STEAP4: variants seen among roughly 807,000 people sequenced by gnomAD.
STEAP4 encodes metalloreductase STEAP4.
Under a neutral mutation model 43.6 loss-of-function variants are expected in STEAP4, and 36 were observed. The ratio of observed to expected loss-of-function variants is 0.83; its 90% CI spans 0.63 to 1.09. The LOEUF (loss-of-function observed/expected upper bound fraction) is 1.09, where lower values mean the gene tolerates loss of function less well. Among genes scored for constraint, STEAP4 ranks in the 50% least tolerant of loss-of-function variants. The pLI is 0.00. For missense variants in STEAP4, 495 were observed against 546.5 expected (o/e 0.91, Z 0.94); for synonymous variants, 191 against 196.7 (o/e 0.97, Z 0.24).
chr7:88,291,516 A>G (rs1026509856), intron 1 of STEAP4, among the ~76,000 whole-genome samples: 2 of 109,638 alleles, frequency 1.8e-5, no homozygotes, highest in Admixed American at 1.8e-4. Context: ...AAGAAAAGAA[A>G]TAGATATATG....
intron 1 of STEAP4, among the ~76,000 whole-genome samples, chr7:88,296,214 T>C (rs1272775272): frequency 6.6e-6 from 1 of 152,200 alleles, no homozygotes; most frequent in Non-Finnish European, 1.5e-5. Context: ...GTGTTACTAA[T>C]CAGTTGGGTG....
intron 1 of STEAP4, among the ~76,000 whole-genome samples, chr7:88,297,170 G>T (rs970882150): frequency 6.6e-6 from 1 of 152,068 alleles, no homozygotes; most frequent in Admixed American, 6.6e-5. Context: ...CTATTCTATA[G>T]GTTGAGGGTA....
intron 1 of STEAP4, among the ~76,000 whole-genome samples, chr7:88,289,883 T>C (rs1266777384): frequency 6.6e-6 from 1 of 152,224 alleles, no homozygotes; most frequent in Non-Finnish European, 1.5e-5. Flanking sequence ...CTTCTATTGG[T>C]TGATTGCCAA....
Position 88,296,932 on chromosome 7 carries a change from C to T in STEAP4, c.-3+9860G>A, listed in dbSNP as rs370139888. Among the ~76,000 whole-genome samples the T allele has an allele frequency of 2.6e-4, 39 of 152,130 alleles. No homozygotes were observed. In the South Asian group the frequency reaches 8.1e-3, roughly 32 times the overall value. On this transcript the variant is annotated intron_variant, in intron 1 of 4. Transcript: ENST00000380079. ...AAAAAAGAATGCCCATAATAAATGG[C>T]TTTTTCTAACATTTTTTGGACAGTT...
intron 1 of STEAP4, chr7:88,292,450 T>A (rs1852850790): frequency 6.6e-6 from 1 of 152,116 alleles, no homozygotes; most frequent in South Asian, 2.1e-4. Context: ...ATTAAAAAAA[T>A]AAATCAATCA....
chr7:88,283,678 T>C, intron 2 of STEAP4, 136 bp downstream of exon 2: 2 of 958,976 alleles, frequency 2.1e-6, no homozygotes, highest in Non-Finnish European at 3.0e-6. Context: ...TCAAGAAAAT[T>C]ATTCACAGCA....
At chr7:88,283,258 T>C in intron 2 of STEAP4, 90 bp from the exon 3 acceptor site, 1 of 1,325,932 alleles carries the variant, frequency 7.5e-7, no homozygotes, top group Non-Finnish European at 1.0e-6. Context: ...CCATGCCAAA[T>C]GATGACGTAA....
chr7:88,299,354 G>A (rs1272793092), intron 1 of STEAP4, among the ~76,000 whole-genome samples: 1 of 152,168 alleles, frequency 6.6e-6, no homozygotes, highest in Non-Finnish European at 1.5e-5. Flanking sequence ...TCTGATTAAA[G>A]CCCAGGACTC....
intron 1 of STEAP4, among the ~76,000 whole-genome samples, 170 bp downstream of exon 1, chr7:88,306,622 C>A (rs1251770633): frequency 6.6e-6 from 1 of 152,242 alleles, no homozygotes; most frequent in Non-Finnish European, 1.5e-5. Context: ...TGCTGAATCG[C>A]GGAGCAGCCT....
intron 1 of STEAP4, 115 bp downstream of exon 1, chr7:88,306,677 T>C (rs550695392): frequency 6.5e-6 from 1 of 152,692 alleles, no homozygotes; most frequent in Admixed American, 6.5e-5. Flanking sequence ...GGCGGGGAGT[T>C]TGCAAGCACC....
rs1233562823 is a variant in STEAP4, at chr7:88,275,737, C to G, written c.*3661G>C. 1 of 151,908 alleles carries G rather than the reference C, an allele frequency of 6.6e-6. No individual in the cohort carries two copies. The highest frequency in any genetic ancestry group is 2.4e-5 in the African/African-American group (1 of 41,344). 9.4% of individuals were successfully genotyped at this position (151,908 alleles called of 1,614,324 possible). On this transcript the variant is annotated 3_prime_UTR_variant, in exon 5 of 5. Coordinates refer to ENST00000380079, the MANE Select transcript of STEAP4 (RefSeq NM_024636.4). ...CTGCCATTACACCTTAATTTTGGAA[C>G]AGAGTTCCAGAAGCTTTTATGCTCT...
rs1018749982 is a variant in STEAP4 at position 88,272,375 on chromosome 7, T to C, written c.*7023A>G. On this transcript the variant is annotated 3_prime_UTR_variant, in exon 5 of 5. Transcript: ENST00000380079. ...AATTCATACTTTATTCCTTCCCTGCTCTGTCTACTTTACTACTCCATTCCC... is the reference window on the plus strand; with the variant it reads ...AATTCATACTTTATTCCTTCCCTGCCCTGTCTACTTTACTACTCCATTCCC... 6.6e-6 allele frequency: 1 copy of C among 152,180 alleles called. No individual in the cohort carries two copies. Among genetic ancestry groups the C allele is most frequent in the Non-Finnish European group, 1.5e-5 (1 of 68,042 alleles). The allele number at this position is 152,180 out of a possible 1,614,324, so 9.4% of individuals were successfully genotyped here. A position where few individuals can be genotyped will look rare whatever the true frequency, so the allele number is the denominator to read the frequency against.
intron 1 of STEAP4, among the ~76,000 whole-genome samples, chr7:88,296,082 C>G (rs1289871767): frequency 2.6e-5 from 4 of 152,076 alleles, no homozygotes; most frequent in Non-Finnish European, 4.4e-5. Flanking sequence ...ATAACTCTCT[C>G]AAGGAAACCT....
chr7:88,303,762 T>C (rs1324727828), intron 1 of STEAP4, among the ~76,000 whole-genome samples: 1 of 152,254 alleles, frequency 6.6e-6, no homozygotes, highest in Non-Finnish European at 1.5e-5. Context: ...TATTCCTTAA[T>C]GATTTGGGAA....
In STEAP4 at chr7:88,281,124, T is replaced by C. The variant is rs142290508; in HGVS notation, c.985-45A>G. 1.9e-3 allele frequency: 2,735 copies of C among 1,444,946 alleles called. 4 individuals are homozygous for C. The highest frequency in any genetic ancestry group is 2.1e-3 in the Non-Finnish European group (2,242 of 1,092,104). 89.5% of individuals were successfully genotyped at this position (1,444,946 alleles called of 1,614,324 possible). On this transcript the variant is annotated intron_variant, in intron 3 of 4. Coordinates refer to ENST00000380079, the MANE Select transcript of STEAP4 (RefSeq NM_024636.4). ...ATTACAAAACTACATTTTTACAAAC[T>C]ACATTTTACAAACTGCCCACACTTT...
intron 1 of STEAP4, among the ~76,000 whole-genome samples, chr7:88,289,050 G>T (rs1356828156): frequency 6.7e-6 from 1 of 150,146 alleles, no homozygotes; most frequent in African/African-American, 2.4e-5. Flanking sequence ...TTTTTTTGGT[G>T]CATGCATGCG....
chr7:88,286,783 ACACACACACACACACACACACACACG>A (rs1410573655), intron 1 of STEAP4, among the ~76,000 whole-genome samples: 2 of 147,906 alleles, frequency 1.4e-5, no homozygotes, highest in Non-Finnish European at 3.0e-5. Flanking sequence ...ACACACACAC[ACACACACACACACACACACACACACG>A]CAAACAATGT....
intron 1 of STEAP4, 50 bp from the exon 2 acceptor site, chr7:88,284,321 T>A: frequency 1.5e-6 from 2 of 1,313,254 alleles, no homozygotes. Context: ...GCTCTGTGCC[T>A]GGAAAATTAA....
In STEAP4 at chr7:88,290,777, T is replaced by C. The variant is rs1852820923; in HGVS notation, c.-2-6506A>G. ...AAGCTTCTGTCTTAAGGTCCATAAATGCTCCCAAGGAGAATCCACCATGGC... is the reference window on the plus strand; with the variant it reads ...AAGCTTCTGTCTTAAGGTCCATAAACGCTCCCAAGGAGAATCCACCATGGC... On this transcript the variant is annotated intron_variant, in intron 1 of 4. Coordinates refer to ENST00000380079, the MANE Select transcript of STEAP4 (RefSeq NM_024636.4). The C allele has an allele frequency of 2.0e-5, 3 of 152,236 alleles. No homozygotes were observed. The South Asian group carries it at 6.2e-4, about 31-fold the overall frequency. The allele number at this position is 152,236 out of a possible 1,614,324, so 9.4% of individuals were successfully genotyped here.
Sources: allele counts gnomAD v4.1 joint callset (sites outside exome capture counted in the v4.1 genomes callset), GRCh38; gene constraint gnomAD v4.1.1; transcripts MANE v1.5; gene names NCBI Gene and HGNC (gene_info 2026-07-23, HGNC 2026-07-21).